The following GMDS variants were observed in gnomAD, a reference collection of about 807,000 sequenced individuals.
The protein encoded by GMDS is GDP-mannose 4,6-dehydratase, also known as GDP-mannose 4,6 dehydratase.
GMDS carries 20 observed loss-of-function variants against 49.9 expected under a neutral mutation model. That is an observed-to-expected ratio of 0.40 (90% CI 0.28 to 0.58). The LOEUF is 0.58. Ranked by LOEUF, GMDS falls within the 20% of genes least tolerant of loss-of-function variation. GMDS has a pLI of 0.42. For missense variants in GMDS, 362 were observed against 481.4 expected (o/e 0.75, Z 2.32); for synonymous variants, 177 against 178.6 (o/e 0.99, Z 0.07).
intron 7 of GMDS, among the ~76,000 whole-genome samples, chr6:1,810,093 G>T (rs1435178316): frequency 6.6e-6 from 1 of 152,096 alleles, no homozygotes; most frequent in Non-Finnish European, 1.5e-5. Flanking sequence ...GTGGGGTATT[G>T]AAATTAATAA....
chr6:2,049,283 G>A lies in GMDS; in HGVS notation c.345+66488C>T, dbSNP rs1179860262. The stretch of plus-strand genomic sequence containing the variant: ...CCTTTGTTTACAATCATATTTATCT[G>A]CAAATATGAGAGATTTCTTCCTGAG... On this transcript the variant is annotated intron_variant, in intron 4 of 10. Coordinates refer to ENST00000380815, the MANE Select transcript of GMDS (RefSeq NM_001500.4). Among the ~76,000 whole-genome samples, 4 of 152,028 alleles carry A rather than the reference G, an allele frequency of 2.6e-5. No homozygotes were observed. In the East Asian group the frequency reaches 7.7e-4, roughly 29 times the overall value.
intron 9 of GMDS, among the ~76,000 whole-genome samples, chr6:1,709,253 G>A (rs1765857197): frequency 6.6e-6 from 1 of 152,236 alleles, no homozygotes; most frequent in African/African-American, 2.4e-5. Context: ...GCTAGAAAGT[G>A]CTTAGAGCAG....
At chr6:2,016,333 T>A (rs979855690) in intron 4 of GMDS, among the ~76,000 whole-genome samples, 3 of 148,366 alleles carry the variant, frequency 2.0e-5, no homozygotes, top group Admixed American at 1.3e-4. Flanking sequence ...CAACAGAGAA[T>A]CAAGGAGTAC....
chr6:2,229,836 C>A (rs997267669), intron 1 of GMDS, among the ~76,000 whole-genome samples: 1 of 152,186 alleles, frequency 6.6e-6, no homozygotes, highest in African/African-American at 2.4e-5. Flanking sequence ...TTTGGTTGCT[C>A]TACCTGAAGA....
At chr6:2,090,723 T>C (rs1426038944) in intron 4 of GMDS, among the ~76,000 whole-genome samples, 1 of 152,178 alleles carries the variant, frequency 6.6e-6, no homozygotes, top group Non-Finnish European at 1.5e-5. Context: ...GTGTCTATAG[T>C]GGCATTAAAT....
chr6:1,774,951 G>T (rs1768736736), intron 7 of GMDS, among the ~76,000 whole-genome samples: 1 of 152,206 alleles, frequency 6.6e-6, no homozygotes, highest in South Asian at 2.1e-4. Flanking sequence ...AGTTGAAGGG[G>T]ATGAGAAATT....
At chr6:2,140,971 G>A (rs1776254247) in intron 1 of GMDS, among the ~76,000 whole-genome samples, 2 of 152,170 alleles carry the variant, frequency 1.3e-5, no homozygotes, top group African/African-American at 2.4e-5. Flanking sequence ...CCTGTCATGA[G>A]GGATGCTGAC....
chr6:1,843,620 T>C (rs1757245370), intron 7 of GMDS, among the ~76,000 whole-genome samples: 1 of 151,878 alleles, frequency 6.6e-6, no homozygotes, highest in Admixed American at 6.6e-5. Context: ...ATACAAAAAT[T>C]AGCTGGGTGT....
intron 1 of GMDS, among the ~76,000 whole-genome samples, chr6:2,192,736 G>A (rs964408810): frequency 6.6e-6 from 1 of 152,212 alleles, no homozygotes; most frequent in African/African-American, 2.4e-5. Flanking sequence ...ATGTCTGACT[G>A]TGCAGTAGCC....
intron 9 of GMDS, among the ~76,000 whole-genome samples, chr6:1,626,405 A>C (rs1465629046): frequency 6.6e-6 from 1 of 152,246 alleles, no homozygotes; most frequent in East Asian, 1.9e-4. Flanking sequence ...AATTTAACAT[A>C]GCGCTACAAG....
intron 4 of GMDS, among the ~76,000 whole-genome samples, chr6:2,012,174 G>C (rs1018145344): frequency 6.6e-6 from 1 of 151,978 alleles, no homozygotes; most frequent in African/African-American, 2.4e-5. Context: ...CTATTTGGGT[G>C]ATGATTACAC....
intron 7 of GMDS, among the ~76,000 whole-genome samples, chr6:1,781,139 G>A (rs563308871): frequency 9.1e-4 from 139 of 152,134 alleles, no homozygotes; most frequent in African/African-American, 3.3e-3. Context: ...TTTAGAAAAA[G>A]CTCTTTGCTG....
intron 6 of GMDS, among the ~76,000 whole-genome samples, chr6:1,947,925 AT>A (rs1763162020): frequency 6.6e-6 from 1 of 152,084 alleles, no homozygotes; most frequent in Admixed American, 6.5e-5. Context: ...TCCTTTATGC[AT>A]TTTCCCCTTT....
intron 4 of GMDS, among the ~76,000 whole-genome samples, chr6:2,060,964 G>A (rs1467677793): frequency 6.6e-6 from 1 of 151,656 alleles, no homozygotes; most frequent in Non-Finnish European, 1.5e-5. Flanking sequence ...AGGTTGCGGT[G>A]AGCCAAGATC....
At chr6:2,178,365 A>AGG (rs1337358718) in intron 1 of GMDS, among the ~76,000 whole-genome samples, 1 of 152,140 alleles carries the variant, frequency 6.6e-6, no homozygotes, top group Non-Finnish European at 1.5e-5. Flanking sequence ...GTGAAGGGGA[A>AGG]GGAGGCATGT....
intron 1 of GMDS, among the ~76,000 whole-genome samples, chr6:2,233,805 A>G (rs1048916401): frequency 1.3e-5 from 2 of 152,230 alleles, no homozygotes; most frequent in African/African-American, 4.8e-5. Flanking sequence ...AGCCTGGACA[A>G]CAGAGGGAGA....
chr6:1,941,069 T>A (rs199726676), intron 6 of GMDS, among the ~76,000 whole-genome samples: 4 of 150,246 alleles, frequency 2.7e-5, no homozygotes, highest in African/African-American at 2.4e-5. Context: ...ATCCCCAAAA[T>A]AAAAAAAAAA....
At chr6:2,114,946 G>C (rs1774757841) in intron 4 of GMDS, among the ~76,000 whole-genome samples, 2 of 136,690 alleles carry the variant, frequency 1.5e-5, no homozygotes, top group South Asian at 4.7e-4. Context: ...TCATTAAATA[G>C]CAAAACAAAC....
chr6:2,121,054 T>G (rs1775111560), intron 2 of GMDS, among the ~76,000 whole-genome samples: 1 of 152,164 alleles, frequency 6.6e-6, no homozygotes, highest in Non-Finnish European at 1.5e-5. Flanking sequence ...CATCCCCATT[T>G]ACAGAAAAGG....
Sources: gnomAD v4.1 joint callset for allele counts (sites outside exome capture counted in the v4.1 genomes callset) on GRCh38, gnomAD v4.1.1 for gene constraint, MANE v1.5 for transcripts, NCBI Gene and HGNC (gene_info 2026-07-23, HGNC 2026-07-21) for gene names.